Variants in ARHGAP28 observed in about 807,000 individuals in gnomAD.
ARHGAP28 encodes rho GTPase-activating protein 28.
Under a neutral mutation model 90.7 loss-of-function variants are expected in ARHGAP28, and 56 were observed. The ratio of observed to expected loss-of-function variants is 0.62; its 90% CI spans 0.50 to 0.77. The LOEUF (loss-of-function observed/expected upper bound fraction) is 0.77, where lower values mean the gene tolerates loss of function less well. Among genes scored for constraint, ARHGAP28 ranks in the 30% least tolerant of loss-of-function variants. The probability of loss-of-function intolerance (pLI) is 0.00; values close to 1 mark genes in which losing one functional copy is unlikely to be tolerated. For synonymous variants in ARHGAP28, 308 were observed against 323.3 expected, an observed-to-expected ratio of 0.95 and a Z score of 0.51; for missense variants, 869 against 900.9, an observed-to-expected ratio of 0.96 and a Z score of 0.45.
chr18:6,813,310 A>G lies in ARHGAP28; in HGVS notation c.123-11452A>G, dbSNP rs2056569220. The stretch of plus-strand genomic sequence containing the variant: ...GTTTAATAGTGAATAGTGCTGATAC[A>G]CTCCTTTTAGATCAAATATACAGCA... On this transcript the variant is annotated intron_variant, in intron 1 of 17. Transcript: ENST00000383472. 5.3e-5 allele frequency among the ~76,000 whole-genome samples: 8 copies of G among 152,176 alleles called. No homozygotes were observed. In the South Asian group the frequency reaches 1.7e-3, roughly 32 times the overall value.
chr18:6,841,171 T>TTTCTCTCTC (rs2056812166), intron 3 of ARHGAP28, among the ~76,000 whole-genome samples: 2 of 57,452 alleles, frequency 3.5e-5, no homozygotes, highest in Non-Finnish European at 8.5e-5. Context: ...CTCTCTCCTC[T>TTTCTCTCTC]CTCTCTCTCC....
At chr18:6,871,608 G>T (rs573731122) in intron 7 of ARHGAP28, among the ~76,000 whole-genome samples, 4 of 152,122 alleles carry the variant, frequency 2.6e-5, no homozygotes, top group Non-Finnish European at 4.4e-5. Context: ...TGTAACATTG[G>T]TCTGTTTGCC....
intron 1 of ARHGAP28, among the ~76,000 whole-genome samples, chr18:6,750,040 T>G (rs2143248696): frequency 6.6e-6 from 1 of 152,282 alleles, no homozygotes; most frequent in East Asian, 1.9e-4. Flanking sequence ...CTTTTCCTTT[T>G]GGAGAAGGCA....
Position 6,851,047 on chromosome 18 carries a change from G to A in ARHGAP28, c.557G>A (p.Cys186Tyr). 6.2e-7 allele frequency: 1 copy of A among 1,614,054 alleles called. No homozygotes were observed. The highest frequency in any genetic ancestry group is 8.5e-7 in the Non-Finnish European group (1 of 1,179,992). Reference protein sequence around the residue: ...GVSESPPRDTCGNHTNQLDGT... With the variant: ...GVSESPPRDTYGNHTNQLDGT... ...TTCTTCCGTTAGCCTCGTGATACCT[G>A]TGGCAACCACACTAATCAGCTGGAT... Residue 186 changes from cysteine (C) to tyrosine (Y), a missense_variant, in exon 4 of 18, where the codon TGT becomes TAT. Transcript: ENST00000383472.
At chr18:6,876,046 T>C (rs558797941) in intron 9 of ARHGAP28, 85 bp from the exon 10 acceptor site, 10 of 1,107,906 alleles carry the variant, frequency 9.0e-6, no homozygotes, top group East Asian at 4.7e-5. Flanking sequence ...TGGTAACTTA[T>C]TGATTCATGT....
At position 6,729,754 on chromosome 18, in the gene ARHGAP28, C is replaced by T. The variant is rs1360623463; in HGVS notation, c.-68C>T. 3.1e-6 allele frequency: 4 copies of T among 1,290,750 alleles called. 1 individual carries two copies. Among genetic ancestry groups the T allele is most frequent in the South Asian group, 4.6e-5 (2 of 43,704 alleles). The allele number at this position is 1,290,750 out of a possible 1,614,324, so 80.0% of individuals were successfully genotyped here. A position where few individuals can be genotyped will look rare whatever the true frequency, so the allele number is the denominator to read the frequency against. ...CGCCGCCCAGCTGCTGACAGCCTCC[C>T]GGCGCGCCGGTCCATGCTGGTCCCG... On this transcript the variant is annotated 5_prime_UTR_variant, in exon 1 of 18. Coordinates refer to ENST00000383472, the MANE Select transcript of ARHGAP28 (RefSeq NM_001366230.1).
intron 16 of ARHGAP28, among the ~76,000 whole-genome samples, chr18:6,899,611 C>T (rs1828568131): frequency 6.6e-6 from 1 of 152,166 alleles, no homozygotes; most frequent in African/African-American, 2.4e-5. Flanking sequence ...CCACCTGCCA[C>T]CTAACACAAC....
chr18:6,857,938 A>G lies in ARHGAP28; in HGVS notation c.637-1870A>G, dbSNP rs74495649. Reference sequence around the variant, plus strand: ...GTGTTTGTGTGAGTAGGGGGTGCTTAATAATGTGTGTAAAGGGGATAGGTT... The same window carrying G: ...GTGTTTGTGTGAGTAGGGGGTGCTTGATAATGTGTGTAAAGGGGATAGGTT... On this transcript the variant is annotated intron_variant, in intron 4 of 17. Transcript: ENST00000383472. Among the ~76,000 whole-genome samples, 3,175 of 152,290 alleles carry G rather than the reference A, an allele frequency of 0.021. 239 individuals carry two copies. In the East Asian group the frequency reaches 0.28, roughly 13 times the overall value.
intron 2 of ARHGAP28, among the ~76,000 whole-genome samples, chr18:6,827,414 G>T (rs1373943774): frequency 3.5e-5 from 5 of 142,426 alleles, no homozygotes; most frequent in Non-Finnish European, 6.1e-5. Flanking sequence ...CGGGAGGGGG[G>T]TTGACCCCCC....
intron 1 of ARHGAP28, among the ~76,000 whole-genome samples, chr18:6,799,606 A>AACAG (rs1600195247): frequency 6.6e-6 from 1 of 152,338 alleles, no homozygotes; most frequent in East Asian, 1.9e-4. Flanking sequence ...ATCTTTGACA[A>AACAG]ACCTGACAAA....
intron 1 of ARHGAP28, among the ~76,000 whole-genome samples, chr18:6,811,742 T>G (rs1376121827): frequency 1.3e-5 from 2 of 152,148 alleles, no homozygotes; most frequent in Non-Finnish European, 2.9e-5. Context: ...TTTTAATTCT[T>G]CCTGGGATAA....
intron 1 of ARHGAP28, among the ~76,000 whole-genome samples, chr18:6,749,037 A>G (rs1400902582): frequency 6.6e-6 from 1 of 152,220 alleles, no homozygotes; most frequent in African/African-American, 2.4e-5. Flanking sequence ...AAGGTTGGAG[A>G]TAAAGCTTCT....
At chr18:6,822,453 G>A (rs952434374) in intron 1 of ARHGAP28, among the ~76,000 whole-genome samples, 10 of 151,996 alleles carry the variant, frequency 6.6e-5, no homozygotes, top group African/African-American at 2.4e-4. Flanking sequence ...TAGTCTTATT[G>A]CAAAAGGAAA....
chr18:6,784,095 C>T (rs1033668451), intron 1 of ARHGAP28, among the ~76,000 whole-genome samples: 4 of 152,086 alleles, frequency 2.6e-5, no homozygotes, highest in Admixed American at 6.5e-5. Flanking sequence ...CTACTTTCTC[C>T]CGGGAGCCCA....
intron 13 of ARHGAP28, 140 bp from the exon 14 acceptor site, chr18:6,890,290 A>C (rs2057254620): frequency 2.6e-6 from 2 of 775,654 alleles, no homozygotes; most frequent in Non-Finnish European, 4.2e-6. Context: ...AATTTTTTCT[A>C]AACTTTATAA....
chr18:6,854,763 CTGCCCACCTGCAG>C (rs2056939223), intron 4 of ARHGAP28, among the ~76,000 whole-genome samples: 1 of 151,520 alleles, frequency 6.6e-6, no homozygotes, highest in Non-Finnish European at 1.5e-5. Context: ...CCACCTGCAG[CTGCCCACCTGCAG>C]CTCTGGACCC....
chr18:6,876,867 A>G (rs1442173544), intron 10 of ARHGAP28, among the ~76,000 whole-genome samples: 1 of 152,202 alleles, frequency 6.6e-6, no homozygotes, highest in Non-Finnish European at 1.5e-5. Flanking sequence ...CTACAGTACA[A>G]TAAAGCAAAG....
At chr18:6,741,449 C>T (rs778754384) in intron 1 of ARHGAP28, among the ~76,000 whole-genome samples, 18 of 152,186 alleles carry the variant, frequency 1.2e-4, no homozygotes, top group Non-Finnish European at 2.5e-4. Flanking sequence ...AAAAAGCAGG[C>T]CAGGCTCTGC....
At chr18:6,875,110 T>A (rs1050576809) in intron 9 of ARHGAP28, 10 of 152,238 alleles carry the variant, frequency 6.6e-5, no homozygotes, top group African/African-American at 2.2e-4. Context: ...ATTCAGCACA[T>A]GAGTTTATAG....
Sources: allele counts gnomAD v4.1 joint callset (sites outside exome capture counted in the v4.1 genomes callset), GRCh38; gene constraint gnomAD v4.1.1; transcripts MANE v1.5; gene names NCBI Gene and HGNC (gene_info 2026-07-23, HGNC 2026-07-21).